RCAN1: variants seen among roughly 807,000 people sequenced by gnomAD.
RCAN1 encodes regulator of calcineurin 1, also known as calcipressin-1.
RCAN1 carries 11 observed loss-of-function variants against 22.9 expected under a neutral mutation model. The observed-to-expected ratio is 0.48, with a 90% CI of 0.30 to 0.79. The LOEUF (loss-of-function observed/expected upper bound fraction) is 0.79, where lower values mean the gene tolerates loss of function less well. Among genes scored for constraint, RCAN1 ranks in the 30% least tolerant of loss-of-function variants. The pLI, the probability that RCAN1 is intolerant of heterozygous loss-of-function variation, is 0.06. For synonymous variants in RCAN1, 136 were observed against 142.3 expected (o/e 0.96, Z 0.32); for missense variants, 291 against 337.8 (o/e 0.86, Z 1.09).
At chr21:34,543,762 T>A (rs924657329) in intron 1 of RCAN1, among the ~76,000 whole-genome samples, 3 of 152,174 alleles carry the variant, frequency 2.0e-5, no homozygotes, top group Non-Finnish European at 4.4e-5. Flanking sequence ...AATCCTAGCA[T>A]GTGAAGTGGC....
chr21:34,595,317 G>A lies in RCAN1; in HGVS notation c.252+19443C>T, dbSNP rs2284603. ...GTGTGCTGAGATGCTGGAAAAGAGG[G>A]TCATCAAAAAAGGAGGAAAAATCCC... On this transcript the variant is annotated intron_variant, in intron 1 of 3. Transcript: ENST00000313806. Among the ~76,000 whole-genome samples the A allele has an allele frequency of 0.018, 2,813 of 152,228 alleles. 210 individuals carry two copies. In the East Asian group the frequency reaches 0.2, roughly 11 times the overall value.
chr21:34,611,980 G>C (rs566218173), intron 1 of RCAN1, among the ~76,000 whole-genome samples: 2 of 152,206 alleles, frequency 1.3e-5, no homozygotes, highest in African/African-American at 4.8e-5. Context: ...TATCTCACAG[G>C]ACCCTAGAAT....
At chr21:34,590,670 C>T (rs1295952157) in intron 1 of RCAN1, among the ~76,000 whole-genome samples, 1 of 152,198 alleles carries the variant, frequency 6.6e-6, no homozygotes, top group Non-Finnish European at 1.5e-5. Flanking sequence ...TTTTTTTACA[C>T]AGCATTTCCC....
intron 1 of RCAN1, among the ~76,000 whole-genome samples, chr21:34,597,318 G>A (rs1988194880): frequency 6.6e-6 from 1 of 152,172 alleles, no homozygotes; most frequent in Non-Finnish European, 1.5e-5. Context: ...CAGTTCCTCA[G>A]TCATGTCCAC....
Position 34,528,327 on chromosome 21 carries a change from G to A in RCAN1, c.253-4617C>T, listed in dbSNP as rs116084121. Among the ~76,000 whole-genome samples the A allele has an allele frequency of 4.2e-3, 646 of 152,280 alleles. 1 individual carries two copies. The highest frequency in any genetic ancestry group is 0.012 in the African/African-American group (518 of 41,538). ...TGAGTGAGTGTTGCTTAATTTCAAC[G>A]CACTGTGCCTTGCTGCCAACTGTAG... On this transcript the variant is annotated intron_variant, in intron 1 of 3. Transcript: ENST00000313806.
At chr21:34,587,532 C>T (rs1450955957) in intron 1 of RCAN1, among the ~76,000 whole-genome samples, 3 of 151,738 alleles carry the variant, frequency 2.0e-5, no homozygotes, top group Non-Finnish European at 4.4e-5. Context: ...CATAAAATTA[C>T]AAAATGAAAA....
chr21:34,558,726 G>A (rs1348551820), intron 1 of RCAN1, among the ~76,000 whole-genome samples: 1 of 152,216 alleles, frequency 6.6e-6, no homozygotes, highest in African/African-American at 2.4e-5. Flanking sequence ...CTAGGAGTCT[G>A]AAGTCCTGGT....
chr21:34,540,935 A>G (rs1224947717), intron 1 of RCAN1, among the ~76,000 whole-genome samples: 5 of 152,082 alleles, frequency 3.3e-5, no homozygotes, highest in Non-Finnish European at 7.4e-5. Context: ...CAGTGAGCCG[A>G]GATCGCACCA....
chr21:34,605,867 C>T (rs915702804), intron 1 of RCAN1, among the ~76,000 whole-genome samples: 2 of 146,922 alleles, frequency 1.4e-5, no homozygotes, highest in Non-Finnish European at 3.0e-5. Flanking sequence ...TTGCAGTGAG[C>T]TGAGATCGTG....
chr21:34,582,405 G>A (rs1400666498), intron 1 of RCAN1, among the ~76,000 whole-genome samples: 1 of 152,106 alleles, frequency 6.6e-6, no homozygotes, highest in Admixed American at 6.6e-5. Flanking sequence ...GCTTAGCTAG[G>A]GGCTCGGGAA....
Position 34,523,489 on chromosome 21 carries a change from G to A in RCAN1, c.426+48C>T. 3 of 1,557,330 alleles carry A rather than the reference G, an allele frequency of 1.9e-6. No homozygotes were observed. The South Asian group carries it at 3.4e-5, about 18-fold the overall frequency. The stretch of plus-strand genomic sequence containing the variant: ...CAACGTATAAGCTGCTTTACAAAAG[G>A]GAGGGAGGGAGGAGGGAGAAGCATG... On this transcript the variant is annotated intron_variant, in intron 2 of 3. Transcript: ENST00000313806.
At chr21:34,533,246 C>T (rs184831351) in intron 1 of RCAN1, among the ~76,000 whole-genome samples, 31 of 152,304 alleles carry the variant, frequency 2.0e-4, no homozygotes, top group Admixed American at 3.3e-4. Flanking sequence ...AGGCGTGAGC[C>T]ACCGCGCCAG....
intron 1 of RCAN1, among the ~76,000 whole-genome samples, chr21:34,602,885 G>C (rs868120838): frequency 2.6e-5 from 4 of 151,932 alleles, no homozygotes; most frequent in African/African-American, 9.7e-5. Flanking sequence ...GATAATTTCA[G>C]TCATCTTCAG....
intron 1 of RCAN1, among the ~76,000 whole-genome samples, chr21:34,533,454 T>C (rs1480912702): frequency 6.6e-6 from 1 of 152,216 alleles, no homozygotes; most frequent in Admixed American, 6.5e-5. Flanking sequence ...TAACATGCTA[T>C]ATTTAAACAA....
rs1008240935 is a variant in RCAN1, at chr21:34,530,075, G to A, written c.253-6365C>T. Among the ~76,000 whole-genome samples, 8 of 152,124 alleles carry A rather than the reference G, an allele frequency of 5.3e-5. No individual in the cohort carries two copies. In the South Asian group the frequency reaches 1.2e-3, roughly 24 times the overall value. On this transcript the variant is annotated intron_variant, in intron 1 of 3. Coordinates refer to ENST00000313806, the MANE Select transcript of RCAN1 (RefSeq NM_004414.7). ...TTCTTCCCAGTCTTGGGTATGTCTTGTCTTTATCAGCAGTGTGAAAACGGA... is the reference window on the plus strand; with the variant it reads ...TTCTTCCCAGTCTTGGGTATGTCTTATCTTTATCAGCAGTGTGAAAACGGA...
At chr21:34,609,788 G>A (rs1159305515) in intron 1 of RCAN1, among the ~76,000 whole-genome samples, 4 of 152,180 alleles carry the variant, frequency 2.6e-5, no homozygotes, top group African/African-American at 9.6e-5. Context: ...GGGTGGAGTG[G>A]TGAGGAGGAT....
chr21:34,521,917 C>G (rs1427211704), intron 2 of RCAN1: 4 of 475,992 alleles, frequency 8.4e-6, no homozygotes, highest in Non-Finnish European at 1.5e-5. Flanking sequence ...AATAATTACG[C>G]TTGACCTAGA....
chr21:34,580,479 T>C (rs1987567305), intron 1 of RCAN1, among the ~76,000 whole-genome samples: 1 of 152,188 alleles, frequency 6.6e-6, no homozygotes, highest in South Asian at 2.1e-4. Flanking sequence ...TGTGTTAAAA[T>C]ATCACCACAG....
chr21:34,595,138 A>C (rs1028415901), intron 1 of RCAN1, among the ~76,000 whole-genome samples: 2 of 152,210 alleles, frequency 1.3e-5, no homozygotes, highest in Non-Finnish European at 2.9e-5. Flanking sequence ...GGCACTGGAC[A>C]AACACTATGG....
Sources: gnomAD v4.1 joint callset for allele counts (sites outside exome capture counted in the v4.1 genomes callset) on GRCh38, gnomAD v4.1.1 for gene constraint, MANE v1.5 for transcripts, NCBI Gene and HGNC (gene_info 2026-07-23, HGNC 2026-07-21) for gene names.